The following MEI4 variants were observed in gnomAD, a reference collection of about 807,000 sequenced individuals.
MEI4 encodes meiosis-specific protein MEI4.
Under a neutral mutation model 31.4 loss-of-function variants are expected in MEI4, and 27 were observed. That is an observed-to-expected ratio of 0.86 (90% CI 0.63 to 1.19). MEI4 has a LOEUF of 1.19. MEI4 is among the 50% of genes most tolerant of loss of function. The pLI is 0.00. For synonymous variants in MEI4, 122 were observed against 145.4 expected (o/e 0.84, Z 1.16); for missense variants, 329 against 398.9 (o/e 0.82, Z 1.49).
intron 4 of MEI4, among the ~76,000 whole-genome samples, chr6:77,864,253 G>T (rs548491082): frequency 1.3e-5 from 2 of 152,120 alleles, no homozygotes; most frequent in Non-Finnish European, 2.9e-5. Context: ...ATGTAAATGG[G>T]CTAAATGCTC....
In MEI4 at chr6:77,719,087, A is replaced by G. The variant is rs576204143; in HGVS notation, c.232+28184A>G. ...TAAACTTTCTGTTAAGTCGCTATCAACAGCTGGACTCACTTGTGCACTTGG... is the reference window on the plus strand; with the variant it reads ...TAAACTTTCTGTTAAGTCGCTATCAGCAGCTGGACTCACTTGTGCACTTGG... On this transcript the variant is annotated intron_variant, in intron 2 of 4. Coordinates refer to ENST00000684080, the MANE Select transcript of MEI4 (RefSeq NM_001322247.2). 2.4e-4 allele frequency among the ~76,000 whole-genome samples: 33 copies of G among 139,148 alleles called. 2 individuals are homozygous for G. Among genetic ancestry groups the G allele is most frequent in the Middle Eastern group, 3.8e-3 (1 of 264 alleles). The allele number at this position is 139,148 out of a possible 152,430, so 91.3% of individuals were successfully genotyped here.
intron 1 of MEI4, among the ~76,000 whole-genome samples, chr6:77,688,158 C>A (rs1769092219): frequency 6.6e-6 from 1 of 152,062 alleles, no homozygotes. Context: ...TTAGGGGAAA[C>A]TGAATTATCT....
At chr6:77,783,878 T>C (rs894571467) in intron 3 of MEI4, among the ~76,000 whole-genome samples, 2 of 152,168 alleles carry the variant, frequency 1.3e-5, no homozygotes, top group Admixed American at 1.3e-4. Flanking sequence ...TTTACTGTTG[T>C]TTAGTTTTTA....
intron 3 of MEI4, among the ~76,000 whole-genome samples, chr6:77,826,562 A>G (rs1299364820): frequency 6.6e-6 from 1 of 152,214 alleles, no homozygotes; most frequent in African/African-American, 2.4e-5. Context: ...GTGGTAAACC[A>G]AATGGTAATA....
intron 3 of MEI4, among the ~76,000 whole-genome samples, chr6:77,784,301 G>A (rs1240348457): frequency 1.3e-5 from 2 of 152,118 alleles, no homozygotes; most frequent in African/African-American, 4.8e-5. Context: ...GAAGTTTTAA[G>A]ATGCTGTAGT....
intron 3 of MEI4, among the ~76,000 whole-genome samples, chr6:77,784,007 A>G (rs1768666415): frequency 6.6e-6 from 1 of 152,180 alleles, no homozygotes; most frequent in South Asian, 2.1e-4. Flanking sequence ...ACCGCTACAG[A>G]GAACTCCAGT....
At chr6:77,770,203 C>T (rs1257325144) in intron 3 of MEI4, among the ~76,000 whole-genome samples, 4 of 151,952 alleles carry the variant, frequency 2.6e-5, no homozygotes, top group African/African-American at 9.6e-5. Flanking sequence ...AACTATATGC[C>T]AGTAAATTGG....
intron 1 of MEI4, among the ~76,000 whole-genome samples, chr6:77,688,641 C>G (rs954096766): frequency 2.0e-5 from 3 of 152,028 alleles, no homozygotes; most frequent in Non-Finnish European, 4.4e-5. Flanking sequence ...ACTTTGTCCT[C>G]TTGTGCTAAT....
rs73759421 is a variant in MEI4, at chr6:77,760,903, A to G, written c.233-227A>G. 8.5e-3 allele frequency among the ~76,000 whole-genome samples: 1,298 copies of G among 152,292 alleles called. 22 individuals carry two copies. Among genetic ancestry groups the G allele is most frequent in the African/African-American group, 0.03 (1,232 of 41,552 alleles). Reference sequence around the variant, plus strand: ...ATGAGAGATAATGACCTGAAAACACATGAATGAGTCACCTTTCTACCCATG... The same window carrying G: ...ATGAGAGATAATGACCTGAAAACACGTGAATGAGTCACCTTTCTACCCATG... On this transcript the variant is annotated intron_variant, in intron 2 of 4. Coordinates refer to ENST00000684080, the MANE Select transcript of MEI4 (RefSeq NM_001322247.2).
chr6:77,751,343 A>G (rs1767769415), intron 2 of MEI4, among the ~76,000 whole-genome samples: 1 of 152,108 alleles, frequency 6.6e-6, no homozygotes, highest in Non-Finnish European at 1.5e-5. Context: ...AGGTGGTTTG[A>G]AAAGATCAAG....
chr6:77,887,033 G>T (rs1771636240), intron 4 of MEI4, among the ~76,000 whole-genome samples: 1 of 150,774 alleles, frequency 6.6e-6, no homozygotes, highest in African/African-American at 2.4e-5. Context: ...TTTATTCCTT[G>T]GGGTTTATTG....
intron 3 of MEI4, among the ~76,000 whole-genome samples, chr6:77,828,072 T>A (rs909568609): frequency 6.6e-6 from 1 of 152,196 alleles, no homozygotes; most frequent in African/African-American, 2.4e-5. Context: ...TCCTAAATTA[T>A]AACATTTCAC....
At chr6:77,867,814 A>G (rs577132252) in intron 4 of MEI4, among the ~76,000 whole-genome samples, 4 of 152,156 alleles carry the variant, frequency 2.6e-5, no homozygotes, top group Non-Finnish European at 5.9e-5. Flanking sequence ...CTTGGAACCA[A>G]CCCAAATGTA....
chr6:77,715,908 C>T lies in MEI4; in HGVS notation c.232+25005C>T, dbSNP rs146153434. On this transcript the variant is annotated intron_variant, in intron 2 of 4. Coordinates refer to ENST00000684080, the MANE Select transcript of MEI4 (RefSeq NM_001322247.2). ...GGTTACAATTTTTTTTTCTATTTCT[C>T]GGTTGTCTGGTTTGATATATTTTTA... Among the ~76,000 whole-genome samples the T allele has an allele frequency of 1.6e-3, 239 of 151,596 alleles. 1 individual carries two copies. Among genetic ancestry groups the T allele is most frequent in the African/African-American group, 4.9e-3 (204 of 41,332 alleles).
chr6:77,866,693 CA>C (rs1419478296), intron 4 of MEI4, among the ~76,000 whole-genome samples: 2 of 152,142 alleles, frequency 1.3e-5, no homozygotes, highest in East Asian at 3.9e-4. Context: ...ATCAAGCTAC[CA>C]ATGACTTTCT....
At chr6:77,806,807 G>A (rs1189989179) in intron 3 of MEI4, among the ~76,000 whole-genome samples, 1 of 151,978 alleles carries the variant, frequency 6.6e-6, no homozygotes, top group East Asian at 1.9e-4. Flanking sequence ...TATGCTATTG[G>A]GTCAAATCCA....
intron 2 of MEI4, among the ~76,000 whole-genome samples, chr6:77,731,903 G>T (rs1216985284): frequency 6.6e-6 from 1 of 151,728 alleles, no homozygotes; most frequent in Non-Finnish European, 1.5e-5. Flanking sequence ...CCCAATGCTT[G>T]TTTTTGTCAG....
At chr6:77,909,598 G>C (rs1562034732) in intron 4 of MEI4, among the ~76,000 whole-genome samples, 1 of 152,118 alleles carries the variant, frequency 6.6e-6, no homozygotes, top group Non-Finnish European at 1.5e-5. Flanking sequence ...TCCAGGACCA[G>C]ATGGATTCAC....
intron 2 of MEI4, among the ~76,000 whole-genome samples, chr6:77,745,048 G>C (rs962971960): frequency 7.9e-5 from 12 of 152,182 alleles, no homozygotes; most frequent in Non-Finnish European, 1.6e-4. Context: ...AGGCTAGGAG[G>C]AAACTGCATC....
Sources: gnomAD v4.1 joint callset for allele counts (sites outside exome capture counted in the v4.1 genomes callset) on GRCh38, gnomAD v4.1.1 for gene constraint, MANE v1.5 for transcripts, NCBI Gene and HGNC (gene_info 2026-07-23, HGNC 2026-07-21) for gene names.